The following SEL1L3 variants were observed in gnomAD, a reference collection of about 807,000 sequenced individuals.
SEL1L3 encodes SEL1L family member 3.
A neutral mutation model predicts 142.8 loss-of-function variants in SEL1L3; 76 were observed. The ratio of observed to expected loss-of-function variants is 0.53; its 90% CI spans 0.44 to 0.64. The LOEUF (loss-of-function observed/expected upper bound fraction) is 0.64, where lower values mean the gene tolerates loss of function less well. Ranked by LOEUF, SEL1L3 falls within the 30% of genes least tolerant of loss-of-function variation. The pLI is 0.00. For missense variants in SEL1L3, 1,262 were observed against 1,381.7 expected (o/e 0.91, Z 1.37); for synonymous variants, 504 against 519.6 (o/e 0.97, Z 0.41).
chr4:25,726,408 A>G, the SEL1L3 span, among the ~76,000 whole-genome samples: 1 of 151,776 alleles, frequency 6.6e-6, no homozygotes, highest in African/African-American at 2.4e-5. Context: ...TGCGCCTGTA[A>G]TCCCAGTTAC....
intron 9 of SEL1L3, among the ~76,000 whole-genome samples, chr4:25,808,308 AC>A (rs1415839619): frequency 1.3e-5 from 2 of 152,198 alleles, no homozygotes; most frequent in African/African-American, 4.8e-5. Context: ...AACAAAAGCC[AC>A]CACCACCACT....
the SEL1L3 span, among the ~76,000 whole-genome samples, chr4:25,723,343 G>A: frequency 1.3e-5 from 2 of 152,330 alleles, no homozygotes; most frequent in East Asian, 3.9e-4. Context: ...TGGACCTACT[G>A]CAGAGCCTGG....
chr4:25,740,460 A>G, the SEL1L3 span, among the ~76,000 whole-genome samples: 3 of 151,198 alleles, frequency 2.0e-5, no homozygotes, highest in Non-Finnish European at 4.4e-5. Flanking sequence ...TCTAGTTCCT[A>G]GCTTTCTTAC....
intron 14 of SEL1L3, 78 bp from the exon 15 acceptor site, chr4:25,782,496 C>G: frequency 3.1e-6 from 4 of 1,286,586 alleles, no homozygotes; most frequent in Non-Finnish European, 3.2e-6. Flanking sequence ...ATTGTGGAAG[C>G]ATTCTGCCTA....
intron 9 of SEL1L3, among the ~76,000 whole-genome samples, chr4:25,809,843 T>C (rs1252853462): frequency 6.6e-6 from 1 of 152,264 alleles, no homozygotes; most frequent in Non-Finnish European, 1.5e-5. Flanking sequence ...AGTATCCCGA[T>C]GTTATTATGT....
At chr4:25,769,696 G>A (rs1719014140) in intron 17 of SEL1L3, among the ~76,000 whole-genome samples, 1 of 152,178 alleles carries the variant, frequency 6.6e-6, no homozygotes, top group African/African-American at 2.4e-5. Context: ...GCCTGCACTG[G>A]TGTCTCAGTT....
In SEL1L3 at chr4:25,772,119, G is replaced by A. The variant is rs569153571; in HGVS notation, c.2669+4158C>T. 5.3e-5 allele frequency among the ~76,000 whole-genome samples: 8 copies of A among 152,312 alleles called. No homozygotes were observed. The East Asian group carries it at 1.2e-3, about 22-fold the overall frequency. Reference sequence around the variant, plus strand: ...ATAGATGGTACCAAAAAAATGTCACGTTGGACGGTGAGGAGGCCAGCAAAC... The same window carrying A: ...ATAGATGGTACCAAAAAAATGTCACATTGGACGGTGAGGAGGCCAGCAAAC... On this transcript the variant is annotated intron_variant, in intron 17 of 23. Transcript: ENST00000399878.
chr4:25,826,497 G>A (rs991258353), intron 6 of SEL1L3, among the ~76,000 whole-genome samples: 1 of 152,070 alleles, frequency 6.6e-6, no homozygotes, highest in Non-Finnish European at 1.5e-5. Flanking sequence ...GCAGGGATGA[G>A]ATTCCAAATA....
chr4:25,852,690 G>A (rs140098915), intron 1 of SEL1L3, among the ~76,000 whole-genome samples: 1 of 152,318 alleles, frequency 6.6e-6, no homozygotes, highest in African/African-American at 2.4e-5. Context: ...GGGCAGCCCA[G>A]CACCCAGGAC....
intron 9 of SEL1L3, among the ~76,000 whole-genome samples, chr4:25,809,585 C>T (rs957335662): frequency 1.3e-5 from 2 of 152,136 alleles, no homozygotes; most frequent in African/African-American, 2.4e-5. Context: ...CTCCTGACCC[C>T]GTATAAACTT....
At chr4:25,736,726 A>G in the SEL1L3 span, among the ~76,000 whole-genome samples, 7 of 152,086 alleles carry the variant, frequency 4.6e-5, no homozygotes, top group African/African-American at 9.7e-5. Context: ...AAGTTGTTCT[A>G]TTACTGAGAG....
the SEL1L3 span, among the ~76,000 whole-genome samples, chr4:25,733,859 G>T: frequency 6.6e-6 from 1 of 152,150 alleles, no homozygotes; most frequent in African/African-American, 2.4e-5. Context: ...ATGCTGAGTA[G>T]GACTGGCCAT....
intron 11 of SEL1L3, among the ~76,000 whole-genome samples, chr4:25,800,979 G>C (rs574348189): frequency 1.3e-5 from 2 of 152,268 alleles, no homozygotes; most frequent in South Asian, 4.2e-4. Flanking sequence ...GAGGATTTCT[G>C]AGCCCAATCC....
intron 15 of SEL1L3, among the ~76,000 whole-genome samples, chr4:25,781,326 C>T (rs973150059): frequency 2.6e-5 from 4 of 152,118 alleles, no homozygotes; most frequent in African/African-American, 9.7e-5. Context: ...TGGGTATTCA[C>T]CACATTTTGT....
chr4:25,777,894 G>A (rs1719743389), intron 16 of SEL1L3: 2 of 456,006 alleles, frequency 4.4e-6, no homozygotes, highest in Non-Finnish European at 8.8e-6. Flanking sequence ...AACTTTTTCT[G>A]TAAAGAGCAG....
chr4:25,765,437 T>C lies in SEL1L3; in HGVS notation c.2846-2A>G. 1.3e-6 allele frequency: 2 copies of C among 1,584,764 alleles called. No homozygotes were observed. The highest frequency in any genetic ancestry group is 1.7e-6 in the Non-Finnish European group (2 of 1,153,382). ...AAAGGTCTCCCATCTTCAAATATGC[T>C]GCAGGAAATAAAGCACAGATCCATT... On this transcript the variant is annotated splice_acceptor_variant, in intron 19 of 23. Transcript: ENST00000399878. LOFTEE classifies it high-confidence loss of function.
chr4:25,734,045 A>G, the SEL1L3 span, among the ~76,000 whole-genome samples: 1 of 151,886 alleles, frequency 6.6e-6, no homozygotes, highest in Non-Finnish European at 1.5e-5. Flanking sequence ...TTTGAGACAG[A>G]GTCTCGCTCT....
At chr4:25,740,705 C>T in the SEL1L3 span, among the ~76,000 whole-genome samples, 1 of 152,172 alleles carries the variant, frequency 6.6e-6, no homozygotes, top group Non-Finnish European at 1.5e-5. Flanking sequence ...CATTGTTCAC[C>T]TGTTTACTCT....
chr4:25,762,041 C>A (rs1441990160), intron 20 of SEL1L3, among the ~76,000 whole-genome samples: 5 of 152,182 alleles, frequency 3.3e-5, no homozygotes, highest in Admixed American at 3.3e-4. Flanking sequence ...CTCCACCTTC[C>A]AGGTTCAAGA....
Sources: gnomAD v4.1 joint callset for allele counts (sites outside exome capture counted in the v4.1 genomes callset) on GRCh38, gnomAD v4.1.1 for gene constraint, MANE v1.5 for transcripts, NCBI Gene and HGNC (gene_info 2026-07-23, HGNC 2026-07-21) for gene names.